Variants in GALNT18 observed in about 807,000 individuals in gnomAD.
GALNT18 encodes polypeptide N-acetylgalactosaminyltransferase 18.
GALNT18 carries 44 observed loss-of-function variants against 69.5 expected under a neutral mutation model. The observed-to-expected ratio is 0.63, with a 90% CI of 0.50 to 0.81. The LOEUF (loss-of-function observed/expected upper bound fraction) is 0.81, where lower values mean the gene tolerates loss of function less well. Among genes scored for constraint, GALNT18 ranks in the 40% least tolerant of loss-of-function variants. GALNT18 has a pLI of 0.00. For missense variants in GALNT18, 715 were observed against 810.0 expected (o/e 0.88, Z 1.42); for synonymous variants, 364 against 318.2 (o/e 1.14, Z -1.53).
rs7946706 is a variant in GALNT18, at chr11:11,435,202, A to G, written c.429-2415T>C. On this transcript the variant is annotated intron_variant, in intron 2 of 10. Transcript: ENST00000227756. This position sits in a 1 kb window ranked among gnomAD's most constrained non-coding sequence, Gnocchi z 4.4. The stretch of plus-strand genomic sequence containing the variant: ...GTCTGCACTGCGTTCCCAGAGCCTC[A>G]GTATCCAAATTTCCAGGGTGTTCAG... Among the ~76,000 whole-genome samples the G allele has an allele frequency of 0.19, 28,328 of 152,146 alleles. 3,318 individuals carry two copies. The highest frequency in any genetic ancestry group is 0.54 in the East Asian group (2,774 of 5,156).
Position 11,332,082 on chromosome 11 carries a change from A to G in GALNT18, c.1416+612T>C, listed in dbSNP as rs1850025909. 6.6e-6 allele frequency among the ~76,000 whole-genome samples: 1 copy of G among 152,142 alleles called. No individual in the cohort carries two copies. Among genetic ancestry groups the G allele is most frequent in the South Asian group, 2.1e-4 (1 of 4,824 alleles). ...AGGTGAAGAAACTGAGGCCCATGAC[A>G]TTAAGACACTTACCTGGGAAGCAGC... is the stretch of plus-strand genomic sequence containing the variant. On this transcript the variant is annotated intron_variant, in intron 8 of 10. Coordinates refer to ENST00000227756, the MANE Select transcript of GALNT18 (RefSeq NM_198516.3). This position sits in a 1 kb window ranked among gnomAD's most constrained non-coding sequence, Gnocchi z 4.3.
At chr11:11,457,863 A>G (rs939448931) in intron 1 of GALNT18, among the ~76,000 whole-genome samples, 14 of 152,222 alleles carry the variant, frequency 9.2e-5, no homozygotes, top group African/African-American at 3.4e-4. Flanking sequence ...CCAGTTCTGT[A>G]GCCACTGCTA....
rs1855491395 is a variant in GALNT18 at position 11,439,643 on chromosome 11, G to T, written c.429-6856C>A. 6.6e-6 allele frequency among the ~76,000 whole-genome samples: 1 copy of T among 152,194 alleles called. No homozygotes were observed. Among genetic ancestry groups the T allele is most frequent in the African/African-American group, 2.4e-5 (1 of 41,444 alleles). ...GGGCCGTGTCTGCTTTGCTCATCAGGTATCCCTAATACTGGGTATGAAGTT... is the reference window on the plus strand; with the variant it reads ...GGGCCGTGTCTGCTTTGCTCATCAGTTATCCCTAATACTGGGTATGAAGTT... On this transcript the variant is annotated intron_variant, in intron 2 of 10. Coordinates refer to ENST00000227756, the MANE Select transcript of GALNT18 (RefSeq NM_198516.3). This position sits in a 1 kb window ranked among gnomAD's most constrained non-coding sequence, Gnocchi z 4.4.
chr11:11,547,056 G>A (rs1335584706), intron 1 of GALNT18, among the ~76,000 whole-genome samples: 1 of 152,180 alleles, frequency 6.6e-6, no homozygotes, highest in Non-Finnish European at 1.5e-5. Flanking sequence ...TATGAAGGAT[G>A]AAAATAATAA....
In GALNT18 at chr11:11,339,934, G is replaced by A. The variant is rs1004676516; in HGVS notation, c.1278+885C>T. On this transcript the variant is annotated intron_variant, in intron 7 of 10. Transcript: ENST00000227756. The surrounding 1 kb of genome is among the most constrained non-coding windows in gnomAD (Gnocchi z 5.2). ...GCGAAGATCAATCACTTCCCCATTAGAAGCTTCCTAAAGGACTCCAAAAGG... is the reference window on the plus strand; with the variant it reads ...GCGAAGATCAATCACTTCCCCATTAAAAGCTTCCTAAAGGACTCCAAAAGG... Among the ~76,000 whole-genome samples the A allele has an allele frequency of 6.6e-6, 1 of 152,178 alleles. No homozygotes were observed. The highest frequency in any genetic ancestry group is 1.5e-5 in the Non-Finnish European group (1 of 68,042).
chr11:11,526,600 A>G (rs10831631), intron 1 of GALNT18, among the ~76,000 whole-genome samples: 76,498 of 152,016 alleles, frequency 0.5, 20,464 homozygotes, highest in Non-Finnish European at 0.58. Context: ...AAATACCGGT[A>G]GCTTATATCA....
intron 10 of GALNT18, among the ~76,000 whole-genome samples, chr11:11,278,970 A>G (rs1197426465): frequency 6.6e-6 from 1 of 152,204 alleles, no homozygotes; most frequent in East Asian, 1.9e-4. Flanking sequence ...CCCCATAAAT[A>G]TATTCAACTA....
chr11:11,284,252 C>G (rs189159222), intron 10 of GALNT18, among the ~76,000 whole-genome samples: 1 of 152,310 alleles, frequency 6.6e-6, no homozygotes, highest in African/African-American at 2.4e-5. Flanking sequence ...CCTCAGTTTC[C>G]CAAGTGTGTC....
intron 9 of GALNT18, among the ~76,000 whole-genome samples, chr11:11,319,527 G>A (rs1246530789): frequency 6.6e-6 from 1 of 152,160 alleles, no homozygotes; most frequent in East Asian, 1.9e-4. Context: ...GAAGGGTGGA[G>A]TTATGCTGCT....
intron 1 of GALNT18, among the ~76,000 whole-genome samples, chr11:11,537,493 G>T (rs1046182227): frequency 6.6e-6 from 1 of 152,204 alleles, no homozygotes; most frequent in Admixed American, 6.5e-5. Context: ...AGGGAGCTGA[G>T]AAGAAAGGAT....
chr11:11,444,353 C>A lies in GALNT18; in HGVS notation c.428+4391G>T. Reference sequence around the variant, plus strand: ...TTACTAAAAGCCTGCGAGGACAAGTCCTCCCCGCCACGGAGCCTGGGAAAT... The same window carrying A: ...TTACTAAAAGCCTGCGAGGACAAGTACTCCCCGCCACGGAGCCTGGGAAAT... On this transcript the variant is annotated intron_variant, in intron 2 of 10. Transcript: ENST00000227756. The surrounding 1 kb of genome is among the most constrained non-coding windows in gnomAD (Gnocchi z 4.4). Among the ~76,000 whole-genome samples, 1 of 152,252 alleles carries A rather than the reference C, an allele frequency of 6.6e-6. No individual in the cohort carries two copies. Among genetic ancestry groups the A allele is most frequent in the South Asian group, 2.1e-4 (1 of 4,832 alleles).
chr11:11,485,453 G>C (rs1482971389), intron 1 of GALNT18, among the ~76,000 whole-genome samples: 6 of 152,190 alleles, frequency 3.9e-5, no homozygotes, highest in African/African-American at 1.4e-4. Context: ...TAAACAGCCA[G>C]ATGGAAGAAA....
intron 7 of GALNT18, among the ~76,000 whole-genome samples, chr11:11,336,452 G>C (rs777023089): frequency 3.9e-5 from 6 of 152,178 alleles, no homozygotes; most frequent in Non-Finnish European, 7.3e-5. Context: ...TCACATCACC[G>C]ACAAGAGTTA....
At chr11:11,579,065 G>A (rs1265158137) in intron 1 of GALNT18, among the ~76,000 whole-genome samples, 5 of 152,168 alleles carry the variant, frequency 3.3e-5, no homozygotes, top group Admixed American at 6.5e-5. Context: ...AGGGCGGCTC[G>A]GGTTTCCCAG....
At chr11:11,297,074 T>C (rs548786103) in intron 9 of GALNT18, among the ~76,000 whole-genome samples, 7 of 152,212 alleles carry the variant, frequency 4.6e-5, no homozygotes, top group African/African-American at 1.7e-4. Context: ...CCAGGGGCTA[T>C]CTGGAATGCC....
intron 9 of GALNT18, among the ~76,000 whole-genome samples, chr11:11,294,656 A>G (rs1004565649): frequency 1.3e-5 from 2 of 151,648 alleles, no homozygotes; most frequent in Non-Finnish European, 2.9e-5. Context: ...TCATTAACAC[A>G]TCATTTACAA....
At position 11,338,847 on chromosome 11, in the gene GALNT18, G is replaced by A. The variant is rs1045013161; in HGVS notation, c.1278+1972C>T. Among the ~76,000 whole-genome samples the A allele has an allele frequency of 4.6e-5, 7 of 152,176 alleles. No individual in the cohort carries two copies. Among genetic ancestry groups the A allele is most frequent in the Non-Finnish European group, 1.0e-4 (7 of 68,034 alleles). The stretch of plus-strand genomic sequence containing the variant: ...GCATGTAAGCACCCAGTGAAGGTAA[G>A]AGGAGCCCTTGAAGAGTTAGGAATA... On this transcript the variant is annotated intron_variant, in intron 7 of 10. Transcript: ENST00000227756. This position sits in a 1 kb window ranked among gnomAD's most constrained non-coding sequence, Gnocchi z 5.3.
chr11:11,581,145 A>C (rs1859071037), intron 1 of GALNT18, among the ~76,000 whole-genome samples: 1 of 152,190 alleles, frequency 6.6e-6, no homozygotes, highest in South Asian at 2.1e-4. Flanking sequence ...GAGACTTCCA[A>C]AGACATGAGA....
chr11:11,355,523 G>A (rs937833482), intron 6 of GALNT18, among the ~76,000 whole-genome samples: 3 of 152,132 alleles, frequency 2.0e-5, no homozygotes, highest in East Asian at 1.9e-4. Flanking sequence ...CCTTTCACTC[G>A]CAAAAGCTTC....
Sources: gnomAD v4.1 joint callset for allele counts (sites outside exome capture counted in the v4.1 genomes callset) on GRCh38, gnomAD v4.1.1 for gene constraint, Gnocchi (gnomAD v3.1) non-coding constraint, MANE v1.5 for transcripts, NCBI Gene and HGNC (gene_info 2026-07-23, HGNC 2026-07-21) for gene names.